The following CTNND2 variants were observed in gnomAD, a reference collection of about 807,000 sequenced individuals.
CTNND2 encodes catenin delta-2.
A neutral mutation model predicts 144.4 loss-of-function variants in CTNND2; 22 were observed. That is an observed-to-expected ratio of 0.15 (90% CI 0.11 to 0.22). CTNND2 has a LOEUF of 0.22. Ranked by LOEUF, CTNND2 falls within the 10% of genes least tolerant of loss-of-function variation. The probability of loss-of-function intolerance (pLI) is 1.00; values close to 1 mark genes in which losing one functional copy is unlikely to be tolerated. For missense variants in CTNND2, 1,353 were observed against 1,618.8 expected (o/e 0.84, Z 2.82); for synonymous variants, 751 against 695.6 (o/e 1.08, Z -1.25).
chr5:11,806,301 T>C (rs1791994045), intron 1 of CTNND2, among the ~76,000 whole-genome samples: 1 of 152,194 alleles, frequency 6.6e-6, no homozygotes, highest in Admixed American at 6.5e-5. Context: ...TCAACTTTTC[T>C]GTAGATCTAA....
rs142239977 is a variant in CTNND2 at position 11,841,714 on chromosome 5, T to A, written c.37+62103A>T. On this transcript the variant is annotated intron_variant, in intron 1 of 21. Transcript: ENST00000304623. ...CTAGACAAATCACATAACCTCTGTA[T>A]GTCCATGTTTCCTGATCTGTAAAAT... Among the ~76,000 whole-genome samples the A allele has an allele frequency of 2.8e-3, 430 of 152,180 alleles. 1 individual carries two copies. Among genetic ancestry groups the A allele is most frequent in the African/African-American group, 1.0e-2 (415 of 41,502 alleles).
intron 2 of CTNND2, among the ~76,000 whole-genome samples, chr5:11,597,554 T>C (rs4312856): frequency 0.46 from 69,841 of 151,952 alleles, 16,392 homozygotes; most frequent in Middle Eastern, 0.68. Context: ...TCTTAATTCA[T>C]CAATGAGCAG....
At chr5:11,117,795 G>GA (rs1753714576) in intron 12 of CTNND2, among the ~76,000 whole-genome samples, 1 of 152,214 alleles carries the variant, frequency 6.6e-6, no homozygotes, top group African/African-American at 2.4e-5. Flanking sequence ...AGACAATGAA[G>GA]AACTCCTAAT....
chr5:11,470,978 A>T lies in CTNND2; in HGVS notation c.288-58909T>A, dbSNP rs1160087144. Among the ~76,000 whole-genome samples, 63 of 95,800 alleles carry T rather than the reference A, an allele frequency of 6.6e-4. No individual in the cohort carries two copies. In the South Asian group the frequency reaches 7.0e-3, roughly 11 times the overall value. 62.8% of individuals were successfully genotyped at this position (95,800 alleles called of 152,430 possible). A position where few individuals can be genotyped will look rare whatever the true frequency, so the allele number is the denominator to read the frequency against. ...AGTATATATATATATATATATATAT[A>T]TATTTTTTTTTTTTTTTTAGATGGA... is the stretch of plus-strand genomic sequence containing the variant. On this transcript the variant is annotated intron_variant, in intron 3 of 21. Transcript: ENST00000304623.
chr5:11,547,125 G>A (rs758836600), intron 3 of CTNND2, among the ~76,000 whole-genome samples: 7 of 151,788 alleles, frequency 4.6e-5, no homozygotes, highest in Admixed American at 1.3e-4. Flanking sequence ...AAAAATTAGC[G>A]GGCATGGTGG....
Position 10,992,582 on chromosome 5 carries a change from G to T in CTNND2, c.3180C>A (p.Ser1060=). 6.2e-7 allele frequency: 1 copy of T among 1,614,122 alleles called. No homozygotes were observed. The highest frequency in any genetic ancestry group is 8.5e-7 in the Non-Finnish European group (1 of 1,180,026). The part of the protein sequence containing the change: ...PYSSSRTPSI[S]PVRVSPNNRS... ...GGTTGTTGGGAGACACGCGCACAGG[G>T]GAGATGGAGGGCGTGCGGGAGGAGG... is the stretch of plus-strand genomic sequence containing the variant. The change falls in exon 19 of 22, where the codon TCC becomes TCA. Residue 1060 remains serine (S), a synonymous_variant. Coordinates refer to ENST00000304623, the MANE Select transcript of CTNND2 (RefSeq NM_001332.4).
intron 3 of CTNND2, among the ~76,000 whole-genome samples, chr5:11,457,085 C>A (rs897084031): frequency 2.0e-5 from 3 of 152,138 alleles, no homozygotes; most frequent in Admixed American, 2.0e-4. Flanking sequence ...TTAATTTTCA[C>A]CTTATTTATT....
At chr5:11,668,776 C>T (rs955562660) in intron 2 of CTNND2, among the ~76,000 whole-genome samples, 3 of 152,222 alleles carry the variant, frequency 2.0e-5, no homozygotes, top group African/African-American at 7.2e-5. Flanking sequence ...TGCCTGACTG[C>T]CCTGGCCAGA....
chr5:11,871,428 A>C (rs1240051650), intron 1 of CTNND2, among the ~76,000 whole-genome samples: 1 of 152,192 alleles, frequency 6.6e-6, no homozygotes, highest in Non-Finnish European at 1.5e-5. Flanking sequence ...CAGGGAGTTA[A>C]TATTCGTAAA....
At chr5:11,116,253 T>C (rs61753324) in intron 13 of CTNND2, among the ~76,000 whole-genome samples, 21,692 of 152,162 alleles carry the variant, frequency 0.14, 2,449 homozygotes, top group East Asian at 0.45. Context: ...TTTTGCTCCC[T>C]GCAGGACATG....
chr5:11,704,282 T>C (rs1581746950), intron 2 of CTNND2, among the ~76,000 whole-genome samples: 1 of 152,332 alleles, frequency 6.6e-6, no homozygotes, highest in South Asian at 2.1e-4. Flanking sequence ...TGGCTGACAT[T>C]CACTACAGGA....
intron 2 of CTNND2, among the ~76,000 whole-genome samples, chr5:11,642,760 T>C (rs992705435): frequency 2.0e-5 from 3 of 152,238 alleles, no homozygotes; most frequent in African/African-American, 7.2e-5. Context: ...GCTTTTCTTA[T>C]CATTATGTGC....
At chr5:11,651,661 G>A (rs762394106) in intron 2 of CTNND2, among the ~76,000 whole-genome samples, 3 of 152,218 alleles carry the variant, frequency 2.0e-5, no homozygotes, top group Non-Finnish European at 2.9e-5. Context: ...GGCATTAGGA[G>A]CCCAGCCCTT....
intron 10 of CTNND2, among the ~76,000 whole-genome samples, chr5:11,212,021 T>C (rs1217733669): frequency 6.6e-6 from 1 of 152,236 alleles, no homozygotes; most frequent in African/African-American, 2.4e-5. Flanking sequence ...TGCTTTATTA[T>C]ATGTATTACA....
At chr5:11,764,576 G>A (rs974272683) in intron 1 of CTNND2, among the ~76,000 whole-genome samples, 1 of 152,118 alleles carries the variant, frequency 6.6e-6, no homozygotes, top group African/African-American at 2.4e-5. Context: ...CCTAACTCCT[G>A]GCTTTTGGAC....
At chr5:11,729,370 T>C (rs1053533639) in intron 2 of CTNND2, among the ~76,000 whole-genome samples, 13 of 152,224 alleles carry the variant, frequency 8.5e-5, no homozygotes, top group Non-Finnish European at 1.5e-4. Flanking sequence ...ATATTAATAG[T>C]TTGATTTGTT....
chr5:11,017,992 C>T lies in CTNND2; in HGVS notation c.3066G>A (p.Leu1022=). 2.5e-6 allele frequency: 4 copies of T among 1,613,386 alleles called. No individual in the cohort carries two copies. Among genetic ancestry groups the T allele is most frequent in the Non-Finnish European group, 3.4e-6 (4 of 1,179,476 alleles). ...VLNSMWQYRD[L]RSLYKKDGWS... ...GCCTTACCTTTTTGTAGAGACTCCT[C>T]AGATCTCGGTACTGCCACATGCTGT... Residue 1022 remains leucine (L), a synonymous_variant, in exon 18 of 22, where the codon CTG becomes CTA. Coordinates refer to ENST00000304623, the MANE Select transcript of CTNND2 (RefSeq NM_001332.4).
rs537973357 is a variant in CTNND2 at position 11,159,557 on chromosome 5, C to T, written c.2159+19G>A. ...CAGGGGAAGATGGTGGGAGGAGGCACTCGTGACACAGGACTGACCTTAGGC... is the reference window on the plus strand; with the variant it reads ...CAGGGGAAGATGGTGGGAGGAGGCATTCGTGACACAGGACTGACCTTAGGC... On this transcript the variant is annotated intron_variant, in intron 12 of 21. Coordinates refer to ENST00000304623, the MANE Select transcript of CTNND2 (RefSeq NM_001332.4). 1.8e-5 allele frequency: 29 copies of T among 1,579,326 alleles called. No individual in the cohort carries two copies. The South Asian group carries it at 3.3e-4, about 18-fold the overall frequency.
chr5:11,085,009 AG>A (rs35155065), intron 15 of CTNND2, among the ~76,000 whole-genome samples: 18,570 of 152,112 alleles, frequency 0.12, 1,918 homozygotes, highest in East Asian at 0.36. Context: ...ACACAGACAG[AG>A]GAGAACCTGG....
Sources: allele counts gnomAD v4.1 joint callset (sites outside exome capture counted in the v4.1 genomes callset), GRCh38; gene constraint gnomAD v4.1.1; transcripts MANE v1.5; gene names NCBI Gene and HGNC (gene_info 2026-07-23, HGNC 2026-07-21).